Variants in CDH12 observed in about 807,000 individuals in gnomAD.
CDH12 encodes cadherin-12.
In CDH12, 41 loss-of-function variants were observed where a neutral mutation model predicts 74.1. That is an observed-to-expected ratio of 0.55 (90% CI 0.43 to 0.72). The LOEUF is 0.72. CDH12 is among the 30% of genes least tolerant of loss of function. The probability of loss-of-function intolerance (pLI) is 0.00; values close to 1 mark genes in which losing one functional copy is unlikely to be tolerated. For synonymous variants in CDH12, 399 were observed against 355.0 expected, an observed-to-expected ratio of 1.12 and a Z score of -1.39; for missense variants, 945 against 977.2, an observed-to-expected ratio of 0.97 and a Z score of 0.44.
At chr5:22,635,644 G>A (rs559603688) in intron 1 of CDH12, among the ~76,000 whole-genome samples, 85 of 152,092 alleles carry the variant, frequency 5.6e-4, no homozygotes, top group Non-Finnish European at 1.1e-3. Flanking sequence ...GTCTGGGCGC[G>A]GTGGCTCAAG....
chr5:22,544,690 G>A (rs554114736), intron 1 of CDH12, among the ~76,000 whole-genome samples: 79 of 152,080 alleles, frequency 5.2e-4, no homozygotes, highest in African/African-American at 1.8e-3. Context: ...AGTGGCACAC[G>A]CCTGTAGTAT....
intron 4 of CDH12, among the ~76,000 whole-genome samples, chr5:22,131,204 A>G (rs1400477682): frequency 2.0e-5 from 3 of 152,122 alleles, no homozygotes; most frequent in Non-Finnish European, 4.4e-5. Flanking sequence ...CTATATAAAC[A>G]TTTTAAAAAT....
intron 2 of CDH12, among the ~76,000 whole-genome samples, chr5:22,501,153 C>T (rs918927202): frequency 1.3e-5 from 2 of 151,970 alleles, no homozygotes; most frequent in Non-Finnish European, 2.9e-5. Context: ...TTTAGACTCA[C>T]AGAAGGAAAG....
At chr5:22,444,539 G>GTTTT (rs35321671) in intron 2 of CDH12, among the ~76,000 whole-genome samples, 1 of 143,102 alleles carries the variant, frequency 7.0e-6, no homozygotes, top group South Asian at 2.2e-4. Flanking sequence ...TTTTTTAACA[G>GTTTT]TTTTTTTTTT....
intron 4 of CDH12, among the ~76,000 whole-genome samples, chr5:22,092,403 CATTT>C (rs1193149679): frequency 6.6e-6 from 1 of 151,968 alleles, no homozygotes; most frequent in African/African-American, 2.4e-5. Context: ...ATATAAAGAC[CATTT>C]ATTATTCAAT....
At chr5:22,327,066 T>G (rs1739142916) in intron 3 of CDH12, among the ~76,000 whole-genome samples, 1 of 152,188 alleles carries the variant, frequency 6.6e-6, no homozygotes, top group Non-Finnish European at 1.5e-5. Flanking sequence ...TATTTCTCAT[T>G]TGTTTGGAAG....
chr5:21,872,894 C>CTATCTATCTATCTATCTATCT (rs1751711974), intron 6 of CDH12, among the ~76,000 whole-genome samples: 1 of 146,750 alleles, frequency 6.8e-6, no homozygotes, highest in Non-Finnish European at 1.5e-5. Flanking sequence ...ACCTATCATC[C>CTATCTATCTATCTATCTATCT]ATCTATCTAT....
chr5:22,034,527 C>T (rs1158937402), intron 5 of CDH12, among the ~76,000 whole-genome samples: 2 of 152,094 alleles, frequency 1.3e-5, no homozygotes, highest in Non-Finnish European at 2.9e-5. Flanking sequence ...GCGAAGATCC[C>T]ACGACCAGCT....
At chr5:22,671,463 C>T (rs1740895679) in intron 1 of CDH12, among the ~76,000 whole-genome samples, 1 of 151,976 alleles carries the variant, frequency 6.6e-6, no homozygotes, top group East Asian at 1.9e-4. Context: ...GGTATTCTTT[C>T]TTGTGGGGAT....
chr5:22,845,573 TC>T (rs1014754875), intron 1 of CDH12, among the ~76,000 whole-genome samples: 4 of 152,150 alleles, frequency 2.6e-5, no homozygotes, highest in African/African-American at 7.2e-5. Flanking sequence ...ATGAAGTAGG[TC>T]CTATTTTATA....
At chr5:21,972,909 T>C (rs1170414971) in intron 6 of CDH12, among the ~76,000 whole-genome samples, 1 of 149,432 alleles carries the variant, frequency 6.7e-6, no homozygotes, top group Non-Finnish European at 1.5e-5. Context: ...TTATTAAAAA[T>C]AAAAAAAAAG....
At chr5:22,050,693 A>G (rs965977726) in intron 5 of CDH12, among the ~76,000 whole-genome samples, 1 of 152,024 alleles carries the variant, frequency 6.6e-6, no homozygotes, top group Non-Finnish European at 1.5e-5. Context: ...ACAATTTTAA[A>G]CTCTTTTCTG....
chr5:21,997,729 T>C (rs1402371974), intron 5 of CDH12, among the ~76,000 whole-genome samples: 4 of 152,130 alleles, frequency 2.6e-5, no homozygotes, highest in Non-Finnish European at 4.4e-5. Context: ...TCAAAAGATA[T>C]GAAAATGTCA....
chr5:21,979,351 G>A (rs898176467), intron 5 of CDH12, among the ~76,000 whole-genome samples: 11 of 152,134 alleles, frequency 7.2e-5, no homozygotes, highest in Non-Finnish European at 1.0e-4. Context: ...TGTCCAGGCA[G>A]TTGTTTTGTG....
intron 1 of CDH12, among the ~76,000 whole-genome samples, chr5:22,714,705 A>T (rs980138524): frequency 1.3e-5 from 2 of 152,182 alleles, no homozygotes; most frequent in African/African-American, 4.8e-5. Flanking sequence ...AGGCCCGCCT[A>T]ATATTGCAAT....
intron 4 of CDH12, among the ~76,000 whole-genome samples, chr5:22,107,479 C>T (rs185250926): frequency 0.024 from 1,132 of 47,946 alleles, 19 homozygotes; most frequent in African/African-American, 0.082. Flanking sequence ...TATATACATA[C>T]GTATGTATAT....
At chr5:22,486,330 G>C (rs1350564458) in intron 2 of CDH12, among the ~76,000 whole-genome samples, 1 of 151,844 alleles carries the variant, frequency 6.6e-6, no homozygotes, top group African/African-American at 2.4e-5. Context: ...TTGCCTTCCA[G>C]ATGTTAAAGT....
At chr5:21,866,528 C>T (rs765554932) in intron 6 of CDH12, among the ~76,000 whole-genome samples, 2 of 152,092 alleles carry the variant, frequency 1.3e-5, no homozygotes, top group Non-Finnish European at 2.9e-5. Flanking sequence ...GTATTTTTCC[C>T]GTGGCCTAGA....
At chr5:22,181,576 T>A (rs933032033) in intron 4 of CDH12, among the ~76,000 whole-genome samples, 1 of 152,208 alleles carries the variant, frequency 6.6e-6, no homozygotes, top group Non-Finnish European at 1.5e-5. Context: ...TTATTTATAT[T>A]TTTTTATTTC....
Sources: gnomAD v4.1 joint callset for allele counts (sites outside exome capture counted in the v4.1 genomes callset) on GRCh38, gnomAD v4.1.1 for gene constraint, MANE v1.5 for transcripts, NCBI Gene and HGNC (gene_info 2026-07-23, HGNC 2026-07-21) for gene names.